The following STMN1 variants were observed in gnomAD, a reference collection of about 807,000 sequenced individuals.
STMN1 encodes stathmin.
A neutral mutation model predicts 19.7 loss-of-function variants in STMN1; 3 were observed. The ratio of observed to expected loss-of-function variants is 0.15; its 90% CI spans 0.07 to 0.39. The LOEUF is 0.39. STMN1 is among the 10% of genes least tolerant of loss of function. The pLI, the probability that STMN1 is intolerant of heterozygous loss-of-function variation, is 1.00. For synonymous variants in STMN1, 59 were observed against 58.9 expected (o/e 1.00, Z -0.01); for missense variants, 99 against 176.0 (o/e 0.56, Z 2.48).
chr1:25,890,606 C>T (rs761212419), intron 4 of STMN1, among the ~76,000 whole-genome samples: 2 of 152,188 alleles, frequency 1.3e-5, no homozygotes, highest in Admixed American at 1.3e-4. Flanking sequence ...TGTGCCTGCA[C>T]GGAATAAAAG....
chr1:25,897,710 C>T (rs2048831470), downstream of STMN1, among the ~76,000 whole-genome samples: 1 of 152,164 alleles, frequency 6.6e-6, no homozygotes, highest in Admixed American at 6.5e-5. Context: ...AGCAGCCCCC[C>T]TTCCTGTGCA....
chr1:25,905,022 TC>T, intron 1 of STMN1: 1 of 277,806 alleles, frequency 3.6e-6, no homozygotes, highest in South Asian at 6.2e-5. Context: ...GAAGAATTTT[TC>T]CCCCATAAAC....
In STMN1 at chr1:25,891,331, TAAAAA is replaced by T. The variant is rs34481251; in HGVS notation, c.379-5467_379-5463del. ...GGGCAACAAGAGCAAAACTCCATCTTAAAAAAAAAAAAAAAATTCAGATGGATTAT... is the reference window on the plus strand; with the variant it reads ...GGGCAACAAGAGCAAAACTCCATCTTAAAAAAAAAAATTCAGATGGATTAT... On this transcript the variant is annotated intron_variant, in intron 4 of 4. Transcript: ENST00000426559. Among the ~76,000 whole-genome samples, 5 of 144,840 alleles carry T rather than the reference TAAAAA, an allele frequency of 3.5e-5. No individual in the cohort carries two copies. In the South Asian group the frequency reaches 6.5e-4, roughly 19 times the overall value.
intron 4 of STMN1, chr1:25,885,886 A>G (rs2048717386): frequency 6.5e-7 from 1 of 1,539,864 alleles, no homozygotes; most frequent in Non-Finnish European, 8.8e-7. Context: ...GAAAAAGAAA[A>G]ATCACCAGGT....
chr1:25,898,227 G>A (rs2048837061), downstream of STMN1, among the ~76,000 whole-genome samples: 2 of 152,242 alleles, frequency 1.3e-5, no homozygotes, highest in South Asian at 4.1e-4. Flanking sequence ...CTGTGCACGT[G>A]GCAATCACAG....
downstream of STMN1, among the ~76,000 whole-genome samples, chr1:25,896,130 T>A (rs1428359984): frequency 6.6e-6 from 1 of 151,920 alleles, no homozygotes; most frequent in Admixed American, 6.6e-5. Flanking sequence ...AGCATGGGGG[T>A]TAAAAGTCTG....
chr1:25,906,290 TGCA>T lies in STMN1; in HGVS notation c.-63+96_-63+98del, dbSNP rs1315159234. 1.4e-5 allele frequency: 1 copy of T among 70,926 alleles called. No homozygotes were observed. The highest frequency in any genetic ancestry group is 2.6e-5 in the Non-Finnish European group (1 of 37,768). The allele number at this position is 70,926 out of a possible 1,614,324, so 4.4% of individuals were successfully genotyped here. ...AGGCCCGCAGCCCCGCCCGCCGCCC[TGCA>T]GCAGGGGGTCGCTGCCACGGCCCAG... is the stretch of plus-strand genomic sequence containing the variant. On this transcript the variant is annotated intron_variant, in intron 1 of 4. Coordinates refer to ENST00000455785, the MANE Select transcript of STMN1 (RefSeq NM_005563.4). This position sits in a 1 kb window ranked among gnomAD's most constrained non-coding sequence, Gnocchi z 4.5.
rs1179969701 is a variant in STMN1 at position 25,900,779 on chromosome 1, A to G, written c.*237T>C. The G allele has an allele frequency of 3.8e-6, 5 of 1,328,958 alleles. No individual in the cohort carries two copies. The East Asian group carries it at 1.2e-4, about 31-fold the overall frequency. The allele number at this position is 1,328,958 out of a possible 1,614,324, so 82.3% of individuals were successfully genotyped here. ...AGTGTACTGAAGTAGAAAAGATGCA[A>G]CAAGAAAAATAGCTACATTAGAAAG... On this transcript the variant is annotated 3_prime_UTR_variant, in exon 5 of 5. Coordinates refer to ENST00000455785, the MANE Select transcript of STMN1 (RefSeq NM_005563.4).
At chr1:25,884,876 GC>G (rs2048709275), downstream of STMN1, 1 of 153,550 alleles carries the variant, frequency 6.5e-6, no homozygotes, top group Non-Finnish European at 1.5e-5. Flanking sequence ...TCTTGCCAGA[GC>G]CCCTTGAACT....
At chr1:25,901,206 A>C (rs199922783) in intron 4 of STMN1, 119 bp from the exon 5 acceptor site, 4 of 1,500,386 alleles carry the variant, frequency 2.7e-6, no homozygotes, top group Non-Finnish European at 2.7e-6. Flanking sequence ...TGCATATATT[A>C]CAGCCTGTGG....
At chr1:25,887,442 G>A (rs938125728) in intron 4 of STMN1, 20 of 388,120 alleles carry the variant, frequency 5.2e-5, no homozygotes, top group Admixed American at 3.3e-5. Flanking sequence ...GGGGAATGGA[G>A]TACAAGGGCT....
downstream of STMN1, among the ~76,000 whole-genome samples, chr1:25,898,250 T>G (rs2048837302): frequency 6.6e-6 from 1 of 152,190 alleles, no homozygotes; most frequent in Admixed American, 6.5e-5. Context: ...TTACTAAGTG[T>G]TTAACAATTA....
chr1:25,904,380 A>G (rs2048913221), intron 2 of STMN1, among the ~76,000 whole-genome samples: 1 of 152,248 alleles, frequency 6.6e-6, no homozygotes, highest in Non-Finnish European at 1.5e-5. Flanking sequence ...TTTTGGATTA[A>G]TAAATACTGT....
At chr1:25,903,894 A>G (rs919650975) in intron 2 of STMN1, 81 bp from the exon 3 acceptor site, 11 of 1,396,338 alleles carry the variant, frequency 7.9e-6, no homozygotes, top group African/African-American at 2.9e-5. Flanking sequence ...CTAAAACCCA[A>G]ATCAATTTAA....
At position 25,900,894 on chromosome 1, in the gene STMN1, T is replaced by C; in HGVS notation, c.*122A>G. The C allele has an allele frequency of 6.5e-7, 1 of 1,549,522 alleles. No individual in the cohort carries two copies. ...CTTACAGTCTGGATCTGGATCTACC[T>C]ATACAGTCCTACATTAGCTTCTAAA... On this transcript the variant is annotated 3_prime_UTR_variant, in exon 5 of 5. Transcript: ENST00000455785.
intron 4 of STMN1, among the ~76,000 whole-genome samples, chr1:25,893,148 CGAAAT>C (rs1557478938): frequency 6.6e-6 from 1 of 151,954 alleles, no homozygotes; most frequent in Non-Finnish European, 1.5e-5. Context: ...TTGAAAAAAA[CGAAAT>C]GAAAAAGGTG....
At chr1:25,896,710 C>T (rs914516742), downstream of STMN1, among the ~76,000 whole-genome samples, 1 of 152,178 alleles carries the variant, frequency 6.6e-6, no homozygotes, top group African/African-American at 2.4e-5. Context: ...AGTGCATGTA[C>T]GAAACAAGTC....
At chr1:25,884,406 G>C (rs923826721), downstream of STMN1, 5 of 151,836 alleles carry the variant, frequency 3.3e-5, no homozygotes, top group Admixed American at 1.3e-4. Flanking sequence ...CTAGAGAAAC[G>C]GAGACCCAGG....
At chr1:25,888,857 A>G in intron 4 of STMN1, 1 of 254,456 alleles carries the variant, frequency 3.9e-6, no homozygotes, top group Non-Finnish European at 8.0e-6. Context: ...AGGATGGGAA[A>G]AGGGCAAAAG....
Sources: gnomAD v4.1 joint callset for allele counts (sites outside exome capture counted in the v4.1 genomes callset) on GRCh38, gnomAD v4.1.1 for gene constraint, Gnocchi (gnomAD v3.1) non-coding constraint, MANE v1.5 for transcripts, NCBI Gene and HGNC (gene_info 2026-07-23, HGNC 2026-07-21) for gene names.